The following ZBTB20 variants were observed in gnomAD, a reference collection of about 807,000 sequenced individuals.
ZBTB20 encodes the protein zinc finger and BTB domain containing 20, also known as zinc finger and BTB domain-containing protein 20.
In ZBTB20, 9 loss-of-function variants were observed where a neutral mutation model predicts 56.9. The observed-to-expected ratio is 0.16, with a 90% CI of 0.10 to 0.28. ZBTB20 has a LOEUF of 0.28. ZBTB20 is among the 10% of genes least tolerant of loss of function. ZBTB20 has a pLI of 1.00. For synonymous variants in ZBTB20, 417 were observed against 420.7 expected, an observed-to-expected ratio of 0.99 and a Z score of 0.11; for missense variants, 655 against 1,003.0, an observed-to-expected ratio of 0.65 and a Z score of 4.69.
At chr3:114,402,781 C>G (rs908768821) in intron 7 of ZBTB20, among the ~76,000 whole-genome samples, 4 of 152,162 alleles carry the variant, frequency 2.6e-5, no homozygotes, top group Non-Finnish European at 4.4e-5. Context: ...GGCTTTCCCC[C>G]CTAGCTACTG....
chr3:114,691,672 T>C (rs2062704531), intron 6 of ZBTB20, among the ~76,000 whole-genome samples: 1 of 152,004 alleles, frequency 6.6e-6, no homozygotes, highest in Non-Finnish European at 1.5e-5. Flanking sequence ...AGGTTAAATT[T>C]TGAAAGCAGG....
At chr3:114,576,481 G>A (rs1283635212) in intron 6 of ZBTB20, among the ~76,000 whole-genome samples, 1 of 100,854 alleles carries the variant, frequency 9.9e-6, no homozygotes, top group Non-Finnish European at 1.9e-5. Flanking sequence ...CAGCCTGGGT[G>A]ACAGAGCAAG....
At chr3:114,804,743 C>T (rs1438735555) in intron 4 of ZBTB20, among the ~76,000 whole-genome samples, 1 of 151,818 alleles carries the variant, frequency 6.6e-6, no homozygotes, top group Non-Finnish European at 1.5e-5. Flanking sequence ...ATTATACTTT[C>T]ACCTACTTTT....
chr3:114,423,788 G>A (rs2089403315), intron 7 of ZBTB20, among the ~76,000 whole-genome samples: 1 of 152,126 alleles, frequency 6.6e-6, no homozygotes, highest in Non-Finnish European at 1.5e-5. Flanking sequence ...TGCTACTAGA[G>A]GGCAGGACAG....
chr3:114,914,476 A>C (rs1458486373), intron 3 of ZBTB20, among the ~76,000 whole-genome samples: 1 of 151,836 alleles, frequency 6.6e-6, no homozygotes, highest in Non-Finnish European at 1.5e-5. Context: ...TTTTCTGGTG[A>C]AGTCTTCAAA....
chr3:115,062,758 G>C (rs1318349409), intron 2 of ZBTB20, among the ~76,000 whole-genome samples: 2 of 151,968 alleles, frequency 1.3e-5, no homozygotes, highest in Non-Finnish European at 2.9e-5. Context: ...CACAACAAAA[G>C]TGCCTCATAT....
At chr3:114,773,295 C>A (rs182870052) in intron 5 of ZBTB20, among the ~76,000 whole-genome samples, 88 of 152,274 alleles carry the variant, frequency 5.8e-4, no homozygotes, top group Non-Finnish European at 2.1e-4. Context: ...TTGTCATAAG[C>A]TGCTAAGTTT....
chr3:114,835,643 A>C (rs1258478075), intron 4 of ZBTB20, among the ~76,000 whole-genome samples: 2 of 152,146 alleles, frequency 1.3e-5, no homozygotes, highest in Non-Finnish European at 2.9e-5. Context: ...ATCAAGTATA[A>C]GCCCCTCAGT....
chr3:115,009,961 T>G (rs2079629344), intron 2 of ZBTB20, among the ~76,000 whole-genome samples: 1 of 151,960 alleles, frequency 6.6e-6, no homozygotes, highest in Non-Finnish European at 1.5e-5. Context: ...ATTATGTATT[T>G]TTTCTTTTGT....
chr3:114,350,433 T>C lies in ZBTB20; in HGVS notation c.1645A>G (p.Thr549Ala). ...GGCGCTGGCAGCTGTGCAGTAAAGG[T>C]CGACAGACCGGGCTGGGACACTGTC... ...FVTVSQPGLSTFTAQLPAPQP... is the reference protein window; with the variant it reads ...FVTVSQPGLSAFTAQLPAPQP... The change falls in exon 11 of 12, where the codon ACC (threonine) becomes GCC (alanine). Residue 549 changes from threonine (T) to alanine (A), a missense_variant. By Grantham distance (58) the Thr-to-Ala change is moderately conservative. Transcript: ENST00000675478. 1.2e-6 allele frequency: 2 copies of C among 1,613,768 alleles called. No individual in the cohort carries two copies. The highest frequency in any genetic ancestry group is 8.5e-7 in the Non-Finnish European group (1 of 1,179,910).
chr3:114,364,667 C>G (rs2082218867), intron 10 of ZBTB20, among the ~76,000 whole-genome samples: 1 of 152,172 alleles, frequency 6.6e-6, no homozygotes, highest in African/African-American at 2.4e-5. Context: ...ACACAATAGC[C>G]AGGTCACTTT....
At chr3:115,063,493 T>C (rs527947113) in intron 2 of ZBTB20, among the ~76,000 whole-genome samples, 2 of 152,292 alleles carry the variant, frequency 1.3e-5, no homozygotes, top group East Asian at 3.9e-4. Context: ...GGCCCCACCT[T>C]CATGGCCTAA....
At chr3:114,343,785 C>A (rs1009224572) in intron 11 of ZBTB20, among the ~76,000 whole-genome samples, 1 of 151,886 alleles carries the variant, frequency 6.6e-6, no homozygotes, top group East Asian at 1.9e-4. Context: ...CCGTGGCTCA[C>A]GCCTGTAATC....
chr3:114,457,013 C>T (rs769557365), intron 7 of ZBTB20, among the ~76,000 whole-genome samples: 1 of 152,174 alleles, frequency 6.6e-6, no homozygotes, highest in Non-Finnish European at 1.5e-5. Context: ...GCTGCTATGC[C>T]ATGCCTAAAA....
At chr3:115,117,029 C>G (rs2084039350) in intron 1 of ZBTB20, among the ~76,000 whole-genome samples, 1 of 152,118 alleles carries the variant, frequency 6.6e-6, no homozygotes. Flanking sequence ...GTTCAATTAA[C>G]TGCACAACCA....
intron 5 of ZBTB20, among the ~76,000 whole-genome samples, chr3:114,713,719 T>C (rs2064257928): frequency 6.6e-6 from 1 of 152,210 alleles, no homozygotes; most frequent in African/African-American, 2.4e-5. Context: ...CTGGTCAGTC[T>C]CAGTAACTAG....
At chr3:114,983,210 A>G (rs10804515) in intron 2 of ZBTB20, among the ~76,000 whole-genome samples, 91,079 of 151,770 alleles carry the variant, frequency 0.6, 30,238 homozygotes, top group Non-Finnish European at 0.76. Context: ...GTGTCATGCA[A>G]TGTTCATGTA....
chr3:114,320,863 G>A lies in ZBTB20; in HGVS notation c.*18142C>T, dbSNP rs1172713694. 2 of 151,962 alleles carry A rather than the reference G, an allele frequency of 1.3e-5. No homozygotes were observed. The highest frequency in any genetic ancestry group is 2.4e-5 in the African/African-American group (1 of 41,256). The allele number at this position is 151,962 out of a possible 1,614,324, so 9.4% of individuals were successfully genotyped here. A position where few individuals can be genotyped will look rare whatever the true frequency, so the allele number is the denominator to read the frequency against. ...TATAATCAGGGCAACAGATTAAAAT[G>A]AAAAGGGGTATAGAAAGATATATTT... On this transcript the variant is annotated 3_prime_UTR_variant, in exon 12 of 12. Coordinates refer to ENST00000675478, the MANE Select transcript of ZBTB20 (RefSeq NM_001348800.3).
intron 6 of ZBTB20, among the ~76,000 whole-genome samples, chr3:114,512,324 C>T (rs761769916): frequency 2.0e-5 from 3 of 152,054 alleles, no homozygotes; most frequent in Non-Finnish European, 4.4e-5. Flanking sequence ...GTATTTCCAA[C>T]ACCATGCATT....
Sources: gnomAD v4.1 joint callset for allele counts (sites outside exome capture counted in the v4.1 genomes callset) on GRCh38, gnomAD v4.1.1 for gene constraint, MANE v1.5 for transcripts, NCBI Gene and HGNC (gene_info 2026-07-23, HGNC 2026-07-21) for gene names.